The following ST6GALNAC3 variants were observed in gnomAD, a reference collection of about 807,000 sequenced individuals.
ST6GALNAC3 encodes ST6 N-acetylgalactosaminide alpha-2,6-sialyltransferase 3.
Under a neutral mutation model 32.7 loss-of-function variants are expected in ST6GALNAC3, and 25 were observed. That is an observed-to-expected ratio of 0.76 (90% confidence interval 0.56 to 1.07). The LOEUF (loss-of-function observed/expected upper bound fraction) is 1.07. Among genes scored for constraint, ST6GALNAC3 ranks in the 50% least tolerant of loss-of-function variants. ST6GALNAC3 has a pLI of 0.00. For missense variants in ST6GALNAC3, 355 were observed against 382.4 expected (o/e 0.93, Z 0.60); for synonymous variants, 129 against 133.1 (o/e 0.97, Z 0.21).
At chr1:76,541,285 G>A (rs1416804605) in intron 3 of ST6GALNAC3, among the ~76,000 whole-genome samples, 1 of 152,108 alleles carries the variant, frequency 6.6e-6, no homozygotes, top group Non-Finnish European at 1.5e-5. Context: ...GGGGAGTATG[G>A]AACGTGGATC....
intron 1 of ST6GALNAC3, among the ~76,000 whole-genome samples, chr1:76,295,568 A>G (rs1238707398): frequency 1.3e-5 from 2 of 152,128 alleles, no homozygotes; most frequent in African/African-American, 4.8e-5. Context: ...TGTAGGGGAT[A>G]GAAAATCTTA....
intron 2 of ST6GALNAC3, among the ~76,000 whole-genome samples, chr1:76,338,836 CAAAT>C (rs1647718743): frequency 6.6e-6 from 1 of 151,896 alleles, no homozygotes; most frequent in South Asian, 2.1e-4. Context: ...TCTTTGTTGA[CAAAT>C]AAAGAAAATA....
intron 1 of ST6GALNAC3, among the ~76,000 whole-genome samples, chr1:76,210,233 A>G (rs1655069900): frequency 1.3e-5 from 2 of 152,180 alleles, no homozygotes; most frequent in African/African-American, 2.4e-5. Context: ...TGCATTTTCT[A>G]GAAGTCAACA....
chr1:76,123,161 C>T lies in ST6GALNAC3; in HGVS notation c.18+48277C>T, dbSNP rs141368792. ...CCGAGGCAGGTGGATCACCTGAGGT[C>T]AGGAGTTCGAGACCAGCCTGGCCAA... On this transcript the variant is annotated intron_variant, in intron 1 of 4. Coordinates refer to ENST00000328299, the MANE Select transcript of ST6GALNAC3 (RefSeq NM_152996.4). Among the ~76,000 whole-genome samples the T allele has an allele frequency of 8.4e-3, 1,272 of 152,210 alleles. 6 individuals carry two copies. The highest frequency in any genetic ancestry group is 0.051 in the Middle Eastern group (15 of 294).
At chr1:76,634,945 C>A (rs1187680321), downstream of ST6GALNAC3, among the ~76,000 whole-genome samples, 4 of 150,282 alleles carry the variant, frequency 2.7e-5, 2 homozygotes, top group Non-Finnish European at 5.9e-5. Flanking sequence ...GTGATCCGCC[C>A]GCCTCGGCCT....
chr1:76,580,356 C>A (rs2100543904), intron 3 of ST6GALNAC3, among the ~76,000 whole-genome samples: 1 of 152,246 alleles, frequency 6.6e-6, no homozygotes, highest in South Asian at 2.1e-4. Flanking sequence ...CTGCTACCCT[C>A]TCCCTTTCAC....
chr1:76,514,945 A>G (rs749980942), intron 3 of ST6GALNAC3, among the ~76,000 whole-genome samples: 2 of 152,008 alleles, frequency 1.3e-5, no homozygotes, highest in East Asian at 1.9e-4. Flanking sequence ...TTTTATGTCT[A>G]TGTTTATCAG....
intron 1 of ST6GALNAC3, among the ~76,000 whole-genome samples, chr1:76,161,869 A>T (rs982374072): frequency 6.6e-6 from 1 of 152,148 alleles, no homozygotes; most frequent in Non-Finnish European, 1.5e-5. Context: ...TCTAAATGTT[A>T]TTTAATTCCA....
intron 1 of ST6GALNAC3, among the ~76,000 whole-genome samples, chr1:76,104,136 T>A (rs1329914272): frequency 6.6e-6 from 1 of 152,154 alleles, no homozygotes; most frequent in Non-Finnish European, 1.5e-5. Context: ...GGGTTTCTAT[T>A]TCTGTTATTT....
intron 1 of ST6GALNAC3, among the ~76,000 whole-genome samples, chr1:76,296,054 G>A (rs75836140): frequency 0.036 from 5,547 of 152,016 alleles, 329 homozygotes; most frequent in African/African-American, 0.13. Flanking sequence ...ACGTTTTTAT[G>A]CATCTTATTT....
intron 1 of ST6GALNAC3, among the ~76,000 whole-genome samples, chr1:76,077,416 C>T (rs1421432752): frequency 6.6e-6 from 1 of 152,134 alleles, no homozygotes; most frequent in African/African-American, 2.4e-5. Flanking sequence ...GAAAAACATA[C>T]ACATTTTATT....
intron 2 of ST6GALNAC3, among the ~76,000 whole-genome samples, chr1:76,329,754 G>A (rs1424778288): frequency 6.6e-6 from 1 of 151,988 alleles, no homozygotes; most frequent in Non-Finnish European, 1.5e-5. Context: ...AAATAATCTT[G>A]TGGCTTTGAT....
At chr1:76,143,597 G>A (rs996133605) in intron 1 of ST6GALNAC3, among the ~76,000 whole-genome samples, 5 of 152,122 alleles carry the variant, frequency 3.3e-5, no homozygotes, top group African/African-American at 1.2e-4. Context: ...CCAAAGTGTT[G>A]TTGTTGTTTT....
chr1:76,565,188 C>A (rs1056301787), intron 3 of ST6GALNAC3, among the ~76,000 whole-genome samples: 3 of 152,088 alleles, frequency 2.0e-5, no homozygotes, highest in Non-Finnish European at 2.9e-5. Flanking sequence ...CCTATGCTGA[C>A]AACAACTGAG....
chr1:76,546,202 A>G (rs1438520535), intron 3 of ST6GALNAC3, among the ~76,000 whole-genome samples: 2 of 152,168 alleles, frequency 1.3e-5, no homozygotes, highest in Admixed American at 1.3e-4. Flanking sequence ...GGAAGTGGTT[A>G]TGTCCTGCGT....
chr1:76,565,245 C>A (rs1422378954), intron 3 of ST6GALNAC3, among the ~76,000 whole-genome samples: 1 of 152,104 alleles, frequency 6.6e-6, no homozygotes, highest in Non-Finnish European at 1.5e-5. Context: ...CTGCTATTGA[C>A]GTCTAGAATG....
rs557156490 is a variant in ST6GALNAC3, at chr1:76,588,317, A to G, written c.624-39135A>G. On this transcript the variant is annotated intron_variant, in intron 3 of 4. Transcript: ENST00000328299. ...AAAGTGTATGATCCCTTCCCCACCT[A>G]TCTCCTCCCTTTCATGTTTTCTTGG... Among the ~76,000 whole-genome samples, 4 of 151,998 alleles carry G rather than the reference A, an allele frequency of 2.6e-5. No individual in the cohort carries two copies. In the East Asian group the frequency reaches 7.8e-4, roughly 30 times the overall value.
intron 3 of ST6GALNAC3, among the ~76,000 whole-genome samples, chr1:76,605,703 A>G (rs1647488807): frequency 6.6e-6 from 1 of 151,826 alleles, no homozygotes; most frequent in Non-Finnish European, 1.5e-5. Context: ...CGTTACTACT[A>G]AAAATACAAA....
chr1:76,077,590 C>T (rs1380603814), intron 1 of ST6GALNAC3, among the ~76,000 whole-genome samples: 1 of 151,944 alleles, frequency 6.6e-6, no homozygotes, highest in African/African-American at 2.4e-5. Context: ...CTGGGGCAGT[C>T]GATTGTGAGA....
Sources: allele counts gnomAD v4.1 joint callset (sites outside exome capture counted in the v4.1 genomes callset), GRCh38; gene constraint gnomAD v4.1.1; transcripts MANE v1.5; gene names NCBI Gene and HGNC (gene_info 2026-07-23, HGNC 2026-07-21).